C4orf51: variants seen among roughly 807,000 people sequenced by gnomAD.
C4orf51 encodes chromosome 4 open reading frame 51.
Under a neutral mutation model 25.2 loss-of-function variants are expected in C4orf51, and 25 were observed. The observed-to-expected ratio is 0.99, with a 90% CI of 0.72 to 1.39. The LOEUF is 1.39. Among genes scored for constraint, C4orf51 ranks in the 40% most tolerant of loss-of-function variants. C4orf51 has a pLI of 0.00. For missense variants in C4orf51, 252 were observed against 239.6 expected (o/e 1.05, Z -0.34); for synonymous variants, 100 against 84.5 (o/e 1.18, Z -1.01).
At chr4:145,757,083 G>A (rs904151924), downstream of C4orf51, among the ~76,000 whole-genome samples, 1 of 152,130 alleles carries the variant, frequency 6.6e-6, no homozygotes, top group Non-Finnish European at 1.5e-5. Flanking sequence ...TGAACTTAGC[G>A]TGTTTTTCAT....
chr4:145,694,361 G>A (rs1287931665), intron 1 of C4orf51, among the ~76,000 whole-genome samples: 1 of 149,388 alleles, frequency 6.7e-6, no homozygotes, highest in African/African-American at 2.5e-5. Context: ...TGCCCCGTCC[G>A]GGAGGGAGGT....
intron 1 of C4orf51, among the ~76,000 whole-genome samples, chr4:145,680,908 T>A (rs1054304495): frequency 6.6e-6 from 1 of 152,146 alleles, no homozygotes; most frequent in South Asian, 2.1e-4. Flanking sequence ...ATCAAAAAAA[T>A]TAACTTCAGT....
chr4:145,750,369 GT>G (rs931967992), intron 1 of C4orf51, among the ~76,000 whole-genome samples: 4 of 137,582 alleles, frequency 2.9e-5, no homozygotes, highest in African/African-American at 1.1e-4. Flanking sequence ...TCTCCTTCAT[GT>G]TTGAAGGATA....
downstream of C4orf51, chr4:145,732,943 G>A (rs1476214053): frequency 1.3e-5 from 2 of 157,458 alleles, no homozygotes; most frequent in Admixed American, 1.3e-4. Context: ...TTTGTATTCA[G>A]AGCGGTCACC....
chr4:145,779,266 T>C, the C4orf51 span: 2 of 1,414,652 alleles, frequency 1.4e-6, no homozygotes, highest in South Asian at 3.0e-5. Context: ...AGGTCAGCCA[T>C]TCCCAGCACT....
intron 2 of C4orf51, among the ~76,000 whole-genome samples, chr4:145,696,962 G>A (rs554503364): frequency 1.7e-3 from 260 of 151,898 alleles, no homozygotes; most frequent in African/African-American, 5.8e-3. Flanking sequence ...GCTTGAACCC[G>A]GGAGGCAGAG....
chr4:145,751,014 A>T (rs1391550820), intron 1 of C4orf51, among the ~76,000 whole-genome samples: 3 of 151,906 alleles, frequency 2.0e-5, no homozygotes, highest in African/African-American at 7.3e-5. Context: ...ATCTTTGCTA[A>T]ATTTGTCTGA....
chr4:145,737,702 C>T (rs1732877607), downstream of C4orf51, among the ~76,000 whole-genome samples: 2 of 152,178 alleles, frequency 1.3e-5, no homozygotes, highest in African/African-American at 4.8e-5. Context: ...CTAAGCTATT[C>T]CATCATTTTC....
chr4:145,721,637 C>G (rs6832004), intron 2 of C4orf51, among the ~76,000 whole-genome samples: 31 of 152,294 alleles, frequency 2.0e-4, no homozygotes, highest in African/African-American at 7.2e-4. Flanking sequence ...GCAACAGTTT[C>G]CAAATTCCCT....
At chr4:145,731,452 GCA>G (rs1178326706) in intron 5 of C4orf51, among the ~76,000 whole-genome samples, 2 of 150,812 alleles carry the variant, frequency 1.3e-5, no homozygotes, top group Admixed American at 6.6e-5. Flanking sequence ...ACATGCAGGT[GCA>G]CACACACACA....
chr4:145,779,334 G>A, the C4orf51 span: 3 of 1,595,004 alleles, frequency 1.9e-6, no homozygotes, highest in Admixed American at 1.8e-5. Context: ...AGTTGGTGAT[G>A]GAGCATAGAG....
intron 2 of C4orf51, among the ~76,000 whole-genome samples, chr4:145,709,204 C>G (rs906095396): frequency 2.6e-5 from 4 of 152,084 alleles, no homozygotes; most frequent in Non-Finnish European, 4.4e-5. Flanking sequence ...GCCTCCTTCC[C>G]GAGGGGTTCT....
the C4orf51 span, among the ~76,000 whole-genome samples, chr4:145,785,348 C>T: frequency 6.6e-6 from 1 of 152,154 alleles, no homozygotes; most frequent in African/African-American, 2.4e-5. Flanking sequence ...TGAAACCCAT[C>T]CAGCATGCCT....
rs138491774 is a variant in C4orf51 at position 145,762,838 on chromosome 4, A to T, written n.167-8150A>T. 0.01 allele frequency among the ~76,000 whole-genome samples: 1,571 copies of T among 152,348 alleles called. 114 individuals are homozygous for T. The highest frequency in any genetic ancestry group is 0.096 in the Admixed American group (1,470 of 15,302). On this transcript the variant is annotated intron_variant and non_coding_transcript_variant, in intron 1 of 1. Transcript: ENST00000510096. The surrounding 1 kb of genome is among the most constrained non-coding windows in gnomAD (Gnocchi z 4.9). The stretch of plus-strand genomic sequence containing the variant: ...TGCTCTCTTTCCACAAAGAATGCAG[A>T]TGCAAAAGTGGCTGCCTCAGCTCTT...
In C4orf51 at chr4:145,727,037, T is replaced by C. The variant is rs1732101609; in HGVS notation, c.366+68T>C. On this transcript the variant is annotated intron_variant, in intron 3 of 5. Coordinates refer to ENST00000438731, the MANE Select transcript of C4orf51 (RefSeq NM_001080531.3). ...TTAAATTATTATACACTGCATATTA[T>C]TCATTAAAAAAACAAAAGGGGTTAA... The C allele has an allele frequency of 4.0e-6, 5 of 1,256,364 alleles. No homozygotes were observed. In the East Asian group the frequency reaches 1.2e-4, roughly 29 times the overall value. 77.8% of individuals were successfully genotyped at this position (1,256,364 alleles called of 1,614,324 possible). A position where few individuals can be genotyped will look rare whatever the true frequency, so the allele number is the denominator to read the frequency against.
At chr4:145,724,880 C>CAAAAAAAAAA (rs1222983724) in intron 2 of C4orf51, among the ~76,000 whole-genome samples, 19 of 68,288 alleles carry the variant, frequency 2.8e-4, no homozygotes, top group East Asian at 8.8e-4. Context: ...AAGACTGTCT[C>CAAAAAAAAAA]AAAAAAAAAA....
chr4:145,766,730 G>A (rs1420740560), intron 1 of C4orf51, among the ~76,000 whole-genome samples: 1 of 152,226 alleles, frequency 6.6e-6, no homozygotes, highest in Non-Finnish European at 1.5e-5. Context: ...AAAGCCACCT[G>A]AAAAGCTTAG....
Position 145,763,482 on chromosome 4 carries a change from G to GA in C4orf51, n.167-7505dup. ...CTAGAACATAAACTATTACACAGGG[G>GA]ACGGTTAGCACCGCACGGGAAGTGT... On this transcript the variant is annotated intron_variant and non_coding_transcript_variant, in intron 1 of 1. Transcript: ENST00000510096. This position sits in a 1 kb window ranked among gnomAD's most constrained non-coding sequence, Gnocchi z 4.6. Among the ~76,000 whole-genome samples the GA allele has an allele frequency of 6.6e-6, 1 of 152,336 alleles. No individual in the cohort carries two copies. The highest frequency in any genetic ancestry group is 6.5e-5 in the Admixed American group (1 of 15,308).
the C4orf51 span, among the ~76,000 whole-genome samples, chr4:145,783,569 C>T: frequency 1.2e-3 from 178 of 152,346 alleles, 1 homozygote; most frequent in African/African-American, 4.1e-3. Flanking sequence ...TCAGTTAACC[C>T]AACAGTCATT....
Sources: allele counts gnomAD v4.1 joint callset (sites outside exome capture counted in the v4.1 genomes callset), GRCh38; gene constraint gnomAD v4.1.1; non-coding constraint Gnocchi (gnomAD v3.1); transcripts MANE v1.5; gene names NCBI Gene and HGNC (gene_info 2026-07-23, HGNC 2026-07-21).